ZAN: variants seen among roughly 807,000 people sequenced by gnomAD.
The protein encoded by ZAN is zonadhesin.
A neutral mutation model predicts 286.2 loss-of-function variants in ZAN; 260 were observed. That is an observed-to-expected ratio of 0.91 (90% CI 0.82 to 1.01). The LOEUF is 1.01. ZAN is among the 50% of genes least tolerant of loss of function. The pLI, the probability that ZAN is intolerant of heterozygous loss-of-function variation, is 0.00. For missense variants in ZAN, 3,410 were observed against 3,639.2 expected (o/e 0.94, Z 1.62); for synonymous variants, 1,368 against 1,417.5 (o/e 0.97, Z 0.79).
chr7:100,796,272 A>G (rs1812358005), intron 45 of ZAN, among the ~76,000 whole-genome samples: 1 of 151,834 alleles, frequency 6.6e-6, no homozygotes, highest in Admixed American at 6.6e-5. Flanking sequence ...TTCCTATCCC[A>G]AACTACAATT....
chr7:100,773,192 C>A, intron 29 of ZAN, 93 bp from the exon 30 acceptor site: 2 of 1,399,254 alleles, frequency 1.4e-6, no homozygotes, highest in Non-Finnish European at 2.0e-6. Flanking sequence ...GTGCGAGCTA[C>A]CGCTCCTGGC....
rs1355487150 is a variant in ZAN, at chr7:100,784,827, C to T, written c.6827C>T (p.Ser2276Phe). 1.3e-6 allele frequency: 2 copies of T among 1,594,822 alleles called. No homozygotes were observed. The highest frequency in any genetic ancestry group is 1.7e-6 in the Non-Finnish European group (2 of 1,168,026). The change falls in exon 36 of 48, where the codon TCC becomes TTC. Residue 2276 changes from serine to phenylalanine, a missense_variant. By Grantham distance (155) the Ser-to-Phe change is radical. Coordinates refer to ENST00000613979, the MANE Select transcript of ZAN (RefSeq NM_003386.3). ...QCGCKDAHGG[S>F]IPLGKSWVSS... ...GGCTGCAAGGATGCCCATGGTGGCTCCATCCCTGTGAGTGGGCATGGGAAA... is the reference window on the plus strand; with the variant it reads ...GGCTGCAAGGATGCCCATGGTGGCTTCATCCCTGTGAGTGGGCATGGGAAA...
In ZAN at chr7:100,750,759, G is replaced by T; in HGVS notation, c.1384G>T (p.Gly462Cys). Residue 462 changes from glycine to cysteine, a missense_variant, in exon 12 of 48, where the codon GGT (glycine) becomes TGT (cysteine). Physicochemically the swap from Gly to Cys is radical, Grantham distance 159. Transcript: ENST00000613979. ...ATACCACATGTATGGCCTTGGGGAG[G>T]GTACTATGCTCGAACTCCTCCTGGG... ...FAYHMYGLGE[G>C]TMLELLLGSP... The T allele has an allele frequency of 6.2e-7, 1 of 1,613,270 alleles. No homozygotes were observed. The highest frequency in any genetic ancestry group is 8.5e-7 in the Non-Finnish European group (1 of 1,179,658).
rs750530465 is a variant in ZAN at position 100,767,333 on chromosome 7, G to A, written c.4860+76G>A. On this transcript the variant is annotated intron_variant, in intron 25 of 47. Coordinates refer to ENST00000613979, the MANE Select transcript of ZAN (RefSeq NM_003386.3). The stretch of plus-strand genomic sequence containing the variant: ...TTCTCTCCTGTGCCCCTCCTTGCCC[G>A]GATGCCCACCTCTCTGGCTCCTTAG... The A allele has an allele frequency of 2.7e-4, 415 of 1,541,006 alleles. 1 individual carries two copies. Among genetic ancestry groups the A allele is most frequent in the East Asian group, 2.3e-4 (10 of 44,302 alleles).
At position 100,763,688 on chromosome 7, in the gene ZAN, T is replaced by G; in HGVS notation, c.3987-118T>G. The G allele has an allele frequency of 1.0e-6, 1 of 995,310 alleles. No individual in the cohort carries two copies. The highest frequency in any genetic ancestry group is 1.6e-6 in the Non-Finnish European group (1 of 637,410). The allele number at this position is 995,310 out of a possible 1,614,324, so 61.7% of individuals were successfully genotyped here. A position where few individuals can be genotyped will look rare whatever the true frequency, so the allele number is the denominator to read the frequency against. On this transcript the variant is annotated intron_variant, in intron 20 of 47. Transcript: ENST00000613979. This position sits in a 1 kb window ranked among gnomAD's most constrained non-coding sequence, Gnocchi z 4.6. ...GTGGTCAAACATCCTCTGGGAGGGGTTTCCCAGCTGACAGGCTGGTTTGCC... is the reference window on the plus strand; with the variant it reads ...GTGGTCAAACATCCTCTGGGAGGGGGTTCCCAGCTGACAGGCTGGTTTGCC...
At position 100,764,076 on chromosome 7, in the gene ZAN, C is replaced by A; in HGVS notation, c.4147C>A (p.Leu1383Ile). 1.2e-6 allele frequency: 2 copies of A among 1,613,838 alleles called. No individual in the cohort carries two copies. The highest frequency in any genetic ancestry group is 1.1e-5 in the South Asian group (1 of 91,078). ...KAASFFDSCM[L>I]DMCGFQGLQH... Reference sequence around the variant, plus strand: ...CGCTTCCTTCTTCGACAGCTGCATGCTTGATATGTGCGGATTCCAGGGGCT... The same window carrying A: ...CGCTTCCTTCTTCGACAGCTGCATGATTGATATGTGCGGATTCCAGGGGCT... Residue 1383 changes from leucine (L) to isoleucine (I), a missense_variant, in exon 22 of 48, where the codon CTT becomes ATT. By Grantham distance (5) the Leu-to-Ile change is conservative (BLOSUM62 2). This residue lies in a region of ZAN where 1,042 missense variants were observed against 1,058.0 expected (regional missense o/e 0.98). Transcript: ENST00000613979.
chr7:100,752,367 C>T lies in ZAN; in HGVS notation c.2262C>T (p.Ile754=). Residue 754 remains isoleucine, a synonymous_variant, in exon 14 of 48, where the codon ATC becomes ATT. Transcript: ENST00000613979. ...CCATCCCCACAGAAAAACCCACCAT[C>T]TCCCCAGAAAAACCCACCACCCCCA... The part of the protein sequence containing the change: ...KPTIPTEKPT[I]SPEKPTTPTE... The T allele has an allele frequency of 1.3e-6, 2 of 1,556,786 alleles. No homozygotes were observed. Among genetic ancestry groups the T allele is most frequent in the South Asian group, 1.2e-5 (1 of 86,058 alleles).
At chr7:100,747,386 CA>C (rs967855805) in intron 8 of ZAN, among the ~76,000 whole-genome samples, 163 bp from the exon 9 acceptor site, 17 of 150,052 alleles carry the variant, frequency 1.1e-4, no homozygotes, top group African/African-American at 2.9e-4. Flanking sequence ...TACTCCATCT[CA>C]AAAAAAAATA....
At chr7:100,768,242 A>T (rs1275997687) in intron 26 of ZAN, among the ~76,000 whole-genome samples, 1 of 152,146 alleles carries the variant, frequency 6.6e-6, no homozygotes. Flanking sequence ...GAGCCCGAGG[A>T]GGGTGGATCA....
chr7:100,751,146 G>GT (rs762937197), intron 12 of ZAN, 36 bp from the exon 13 acceptor site: 27 of 1,520,744 alleles, frequency 1.8e-5, no homozygotes, highest in Non-Finnish European at 2.0e-5. Flanking sequence ...ATTCATTTTT[G>GT]TTTCTCTCTC....
rs1808366902 is a variant in ZAN, at chr7:100,748,222, G to A, written c.1102+7G>A. The A allele has an allele frequency of 6.2e-7, 1 of 1,613,938 alleles. No homozygotes were observed. ...AGCATTGCTCCTTGTGGGGGTGAGA[G>A]CAGGCCCTGAGAGGCCCGGATCTCT... On this transcript the variant is annotated splice_region_variant and intron_variant, in intron 10 of 47. Transcript: ENST00000613979.
intron 7 of ZAN, among the ~76,000 whole-genome samples, chr7:100,738,891 C>A (rs138436994): frequency 5.3e-5 from 1 of 19,004 alleles, no homozygotes; most frequent in Non-Finnish European, 7.8e-5. Context: ...CTCCCTCTCC[C>A]TCTCCCTCTC....
At position 100,767,108 on chromosome 7, in the gene ZAN, C is replaced by T. The variant is rs1810033427; in HGVS notation, c.4711C>T (p.Pro1571Ser). The change falls in exon 25 of 48, where the codon CCT becomes TCT. Residue 1571 changes from proline to serine, a missense_variant. Pro to Ser is a moderately conservative substitution (Grantham distance 74, BLOSUM62 -1). This residue lies in a region of ZAN where 1,042 missense variants were observed against 1,058.0 expected (regional missense o/e 0.98). Transcript: ENST00000613979. ...MGTCTYVLTR[P>S]CWSRSQDSYF... ...CACCTGCACCTATGTCCTGACCCGG[C>T]CTTGCTGGTCCAGGTCCCAAGACAG... 5 of 1,613,954 alleles carry T rather than the reference C, an allele frequency of 3.1e-6. No individual in the cohort carries two copies. Among genetic ancestry groups the T allele is most frequent in the Non-Finnish European group, 4.2e-6 (5 of 1,179,888 alleles).
Position 100,736,977 on chromosome 7 carries a change from A to G in ZAN, c.422A>G (p.Glu141Gly), listed in dbSNP as rs1348058127. ...QLRLLLLSGEEGRRPDVLWKH... is the reference protein window; with the variant it reads ...QLRLLLLSGEGGRRPDVLWKH... ...AGGCTGCTGCTGCTCTCGGGTGAAG[A>G]GGGCCGCCGCCCCGATGTGCTCTGG... Residue 141 changes from glutamate to glycine, a missense_variant, in exon 5 of 48, where the codon GAG becomes GGG. By Grantham distance (98) the Glu-to-Gly change is moderately conservative. Coordinates refer to ENST00000613979, the MANE Select transcript of ZAN (RefSeq NM_003386.3). 3.3e-5 allele frequency: 50 copies of G among 1,503,112 alleles called. 6 individuals carry two copies. Among genetic ancestry groups the G allele is most frequent in the Non-Finnish European group, 4.6e-5 (50 of 1,098,190 alleles). The allele number at this position is 1,503,112 out of a possible 1,614,324, so 93.1% of individuals were successfully genotyped here.
At chr7:100,773,661 C>A (rs1005037420) in intron 30 of ZAN, 60 bp from the exon 31 acceptor site, 2 of 1,571,276 alleles carry the variant, frequency 1.3e-6, no homozygotes, top group Non-Finnish European at 1.7e-6. Flanking sequence ...TCAACTGGGG[C>A]GTTGGCCCAT....
At position 100,771,962 on chromosome 7, in the gene ZAN, C is replaced by T. The variant is rs144744180; in HGVS notation, c.5367C>T (p.Tyr1789=). Residue 1789 remains tyrosine, a synonymous_variant, in exon 29 of 48, where the codon TAC becomes TAT. Coordinates refer to ENST00000613979, the MANE Select transcript of ZAN (RefSeq NM_003386.3). ...TTALCRSLQA[Y]ASLCAQAGQA... is the part of the protein sequence containing the mutation. ...CCCTGTGCCGCTCCCTGCAGGCCTA[C>T]GCGTCCCTGTGTGCCCAGGCTGGCC... 32 of 1,610,418 alleles carry T rather than the reference C, an allele frequency of 2.0e-5. No homozygotes were observed. The highest frequency in any genetic ancestry group is 8.0e-5 in the African/African-American group (6 of 75,006).
chr7:100,772,437 A>AAAAAC (rs1459809822), intron 29 of ZAN, among the ~76,000 whole-genome samples: 1 of 151,274 alleles, frequency 6.6e-6, no homozygotes, highest in South Asian at 2.1e-4. Flanking sequence ...AACAAGAGTG[A>AAAAAC]AAAACAAAAC....
chr7:100,754,216 T>C (rs1808989294), intron 14 of ZAN, among the ~76,000 whole-genome samples: 1 of 152,042 alleles, frequency 6.6e-6, no homozygotes. Context: ...CCCAACACTT[T>C]GGGAGGCTGA....
chr7:100,791,757 G>A (rs540588599), intron 40 of ZAN, among the ~76,000 whole-genome samples: 5 of 147,598 alleles, frequency 3.4e-5, no homozygotes, highest in African/African-American at 7.5e-5. Context: ...AGACCGGGTC[G>A]TGCTCTGTTA....
Sources: allele counts gnomAD v4.1 joint callset (sites outside exome capture counted in the v4.1 genomes callset), GRCh38; gene constraint gnomAD v4.1.1; regional missense constraint gnomAD v4.1.1; non-coding constraint Gnocchi (gnomAD v3.1); transcripts MANE v1.5; gene names NCBI Gene and HGNC (gene_info 2026-07-23, HGNC 2026-07-21).